HERC4: variants seen among roughly 807,000 people sequenced by gnomAD.
The protein encoded by HERC4 is HECT and RLD domain containing E3 ubiquitin protein ligase 4.
HERC4 carries 28 observed loss-of-function variants against 124.3 expected under a neutral mutation model. That is an observed-to-expected ratio of 0.23 (90% confidence interval 0.17 to 0.31). HERC4 has a LOEUF of 0.31. Ranked by LOEUF, HERC4 falls within the 10% of genes least tolerant of loss-of-function variation. The pLI is 1.00. For missense variants in HERC4, 713 were observed against 1,229.3 expected (o/e 0.58, Z 6.28); for synonymous variants, 407 against 421.5 (o/e 0.97, Z 0.42).
At position 67,992,595 on chromosome 10, in the gene HERC4, T is replaced by C. The variant is rs758820049; in HGVS notation, c.1146+11A>G. On this transcript the variant is annotated intron_variant, in intron 10 of 24. Coordinates refer to ENST00000373700, the MANE Select transcript of HERC4 (RefSeq NM_015601.4). ...GGAGCTATTTAATTATTTACATGAC[T>C]ATATTATTACCTGGGGACTAGAGTA... 7.1e-7 allele frequency: 1 copy of C among 1,415,244 alleles called. No homozygotes were observed. Among genetic ancestry groups the C allele is most frequent in the Non-Finnish European group, 9.8e-7 (1 of 1,020,402 alleles). 87.7% of individuals were successfully genotyped at this position (1,415,244 alleles called of 1,614,324 possible).
At chr10:67,966,879 G>T in intron 15 of HERC4, 77 bp from the exon 16 acceptor site, 4 of 1,114,906 alleles carry the variant, frequency 3.6e-6, no homozygotes, top group Non-Finnish European at 4.8e-6. Context: ...TTTTGAGACG[G>T]AGTCTCACTC....
intron 15 of HERC4, among the ~76,000 whole-genome samples, chr10:67,977,458 G>A (rs2035663461): frequency 6.6e-6 from 1 of 152,128 alleles, no homozygotes; most frequent in African/African-American, 2.4e-5. Context: ...AAACTTCCTG[G>A]CTTCAGGTGA....
At chr10:68,001,661 A>G (rs1410012349) in intron 9 of HERC4, among the ~76,000 whole-genome samples, 3 of 152,148 alleles carry the variant, frequency 2.0e-5, no homozygotes, top group Non-Finnish European at 4.4e-5. Flanking sequence ...AACTATCACC[A>G]CTAATCATTT....
intron 9 of HERC4, among the ~76,000 whole-genome samples, chr10:68,007,471 T>C (rs1004791055): frequency 5.3e-5 from 8 of 152,162 alleles, no homozygotes; most frequent in Admixed American, 1.3e-4. Context: ...CCTTATTTCA[T>C]TGGTTTGGTG....
Position 67,932,668 on chromosome 10 carries a change from G to A in HERC4, c.2767C>T (p.Leu923Phe). 1 of 1,608,890 alleles carries A rather than the reference G, an allele frequency of 6.2e-7. No homozygotes were observed. The highest frequency in any genetic ancestry group is 8.5e-7 in the Non-Finnish European group (1 of 1,178,774). ...HKVCGGKVLL[L>F]FQPNELQAMV... ...GCTTGTAGTTCATTAGGCTGAAAGAGCAGAAGGACTTTTCCTCCACAGACC... is the reference window on the plus strand; with the variant it reads ...GCTTGTAGTTCATTAGGCTGAAAGAACAGAAGGACTTTTCCTCCACAGACC... Residue 923 changes from leucine (L) to phenylalanine (F), a missense_variant, in exon 23 of 25, where the codon CTC (leucine) becomes TTC (phenylalanine). Coordinates refer to ENST00000373700, the MANE Select transcript of HERC4 (RefSeq NM_015601.4).
intron 19 of HERC4, among the ~76,000 whole-genome samples, chr10:67,941,309 T>TA (rs575253799): frequency 6.6e-6 from 1 of 151,966 alleles, no homozygotes; most frequent in Non-Finnish European, 1.5e-5. Flanking sequence ...TTCTCAGACT[T>TA]AAAAAAAATA....
At chr10:68,056,833 T>G (rs2040573426) in intron 3 of HERC4, among the ~76,000 whole-genome samples, 1 of 152,090 alleles carries the variant, frequency 6.6e-6, no homozygotes, top group African/African-American at 2.4e-5. Context: ...GTTAGCTATT[T>G]GCAAAGGAAA....
rs117469140 is a variant in HERC4 at position 67,927,952 on chromosome 10, G to A, written c.2839-2765C>T. 8.0e-3 allele frequency among the ~76,000 whole-genome samples: 1,217 copies of A among 152,232 alleles called. 12 individuals carry two copies. The highest frequency in any genetic ancestry group is 0.014 in the Non-Finnish European group (982 of 68,024). On this transcript the variant is annotated intron_variant, in intron 23 of 24. Coordinates refer to ENST00000373700, the MANE Select transcript of HERC4 (RefSeq NM_015601.4). ...ATCCAAAGAAGCAAAATAAAACAGC[G>A]AGGGGAGACAGGATACGTGTGCAGG...
At chr10:67,981,892 G>T (rs1478629180) in intron 15 of HERC4, among the ~76,000 whole-genome samples, 1 of 152,006 alleles carries the variant, frequency 6.6e-6, no homozygotes. Context: ...AGTGAGCCGA[G>T]ATCAGGCCAC....
intron 8 of HERC4, among the ~76,000 whole-genome samples, chr10:68,023,008 A>T (rs957735055): frequency 3.4e-5 from 5 of 148,918 alleles, no homozygotes; most frequent in African/African-American, 1.2e-4. Context: ...AGGTATTATA[A>T]AAAAAAAAAG....
At chr10:67,933,977 A>G (rs1356708992) in intron 22 of HERC4, among the ~76,000 whole-genome samples, 1 of 152,202 alleles carries the variant, frequency 6.6e-6, no homozygotes, top group Non-Finnish European at 1.5e-5. Flanking sequence ...AAAGAATTGT[A>G]ACAAAATAGA....
rs11406155 is a variant in HERC4 at position 67,974,045 on chromosome 10, C to CAA, written c.1807-7245_1807-7244dup. ...CTGGCAACAGAGAGAGACTCTGTCT[C>CAA]AAAAAAAAAAAAAAAAAAAAATTAC... is the stretch of plus-strand genomic sequence containing the variant. On this transcript the variant is annotated intron_variant, in intron 15 of 24. Coordinates refer to ENST00000373700, the MANE Select transcript of HERC4 (RefSeq NM_015601.4). Among the ~76,000 whole-genome samples the CAA allele has an allele frequency of 5.4e-3, 207 of 38,470 alleles. 9 individuals carry two copies. Among genetic ancestry groups the CAA allele is most frequent in the Non-Finnish European group, 7.6e-3 (157 of 20,784 alleles). The allele number at this position is 38,470 out of a possible 152,430, so 25.2% of individuals were successfully genotyped here.
intron 8 of HERC4, among the ~76,000 whole-genome samples, chr10:68,022,947 G>A (rs1040166101): frequency 1.3e-5 from 2 of 151,720 alleles, no homozygotes; most frequent in African/African-American, 4.8e-5. Context: ...CTAATCATTG[G>A]GAAAATGCAA....
chr10:68,050,617 G>C (rs931135284), intron 3 of HERC4, among the ~76,000 whole-genome samples: 1 of 152,132 alleles, frequency 6.6e-6, no homozygotes, highest in East Asian at 1.9e-4. Context: ...TTTAATAGCT[G>C]ACTTTTTAGA....
intron 3 of HERC4, among the ~76,000 whole-genome samples, chr10:68,044,834 T>C (rs956474259): frequency 2.0e-5 from 3 of 152,102 alleles, no homozygotes; most frequent in Non-Finnish European, 2.9e-5. Flanking sequence ...CCTGAACATT[T>C]TGGGAAGAAG....
At chr10:67,976,578 G>T (rs1231120591) in intron 15 of HERC4, among the ~76,000 whole-genome samples, 1 of 151,962 alleles carries the variant, frequency 6.6e-6, no homozygotes, top group East Asian at 1.9e-4. Flanking sequence ...CACAAAAAAA[G>T]CATCTTCCTG....
At chr10:68,054,206 G>A (rs2040442405) in intron 3 of HERC4, among the ~76,000 whole-genome samples, 1 of 152,104 alleles carries the variant, frequency 6.6e-6, no homozygotes, top group Non-Finnish European at 1.5e-5. Flanking sequence ...AAAAGATACT[G>A]TAGAGCTCCA....
chr10:68,047,072 G>A (rs1056960969), intron 3 of HERC4, among the ~76,000 whole-genome samples: 1 of 151,980 alleles, frequency 6.6e-6, no homozygotes, highest in African/African-American at 2.4e-5. Context: ...TCCATTTGAG[G>A]AAATTTGAAT....
At chr10:67,981,164 T>C (rs1407726479) in intron 15 of HERC4, among the ~76,000 whole-genome samples, 3 of 151,982 alleles carry the variant, frequency 2.0e-5, no homozygotes, top group Non-Finnish European at 4.4e-5. Context: ...ACTTCACTTA[T>C]AAAGACAAAC....
Sources: allele counts gnomAD v4.1 joint callset (sites outside exome capture counted in the v4.1 genomes callset), GRCh38; gene constraint gnomAD v4.1.1; transcripts MANE v1.5; gene names NCBI Gene and HGNC (gene_info 2026-07-23, HGNC 2026-07-21).